NUP133: variants seen among roughly 807,000 people sequenced by gnomAD.
The protein encoded by NUP133 is nuclear pore complex protein Nup133.
In NUP133, 66 loss-of-function variants were observed where a neutral mutation model predicts 146.2. The observed-to-expected ratio is 0.45, with a 90% CI of 0.37 to 0.55. The LOEUF is 0.55. Among genes scored for constraint, NUP133 ranks in the 20% least tolerant of loss-of-function variants. The pLI is 0.00. For synonymous variants in NUP133, 521 were observed against 498.8 expected, an observed-to-expected ratio of 1.04 and a Z score of -0.59; for missense variants, 1,277 against 1,374.8, an observed-to-expected ratio of 0.93 and a Z score of 1.12.
chr1:229,465,314 T>G, intron 17 of NUP133, 106 bp downstream of exon 17: 1 of 873,428 alleles, frequency 1.1e-6, no homozygotes, highest in Non-Finnish European at 1.8e-6. Context: ...AGACGGCACT[T>G]TTTCATTTCA....
chr1:229,501,583 C>G (rs1212426055), intron 3 of NUP133, among the ~76,000 whole-genome samples: 2 of 152,166 alleles, frequency 1.3e-5, no homozygotes, highest in African/African-American at 4.8e-5. Flanking sequence ...AAAAGTTTAA[C>G]TAGCAACTGG....
chr1:229,475,584 T>G, intron 14 of NUP133, 54 bp downstream of exon 14: 1 of 1,282,524 alleles, frequency 7.8e-7, no homozygotes, highest in Admixed American at 1.7e-5. Context: ...CTTCCCACTG[T>G]GTTGGAGAGA....
chr1:229,495,447 T>G lies in NUP133; in HGVS notation c.1046+48A>C, dbSNP rs375523943. ...CATTTTATTATAAACATCAACTTAT[T>G]TTTTCCAAACTCTTCTCTATGTTCT... On this transcript the variant is annotated intron_variant, in intron 8 of 25. Coordinates refer to ENST00000261396, the MANE Select transcript of NUP133 (RefSeq NM_018230.3). 4 of 1,344,034 alleles carry G rather than the reference T, an allele frequency of 3.0e-6. No individual in the cohort carries two copies. In the African/African-American group the frequency reaches 5.8e-5, roughly 19 times the overall value. 83.3% of individuals were successfully genotyped at this position (1,344,034 alleles called of 1,614,324 possible). A position where few individuals can be genotyped will look rare whatever the true frequency, so the allele number is the denominator to read the frequency against.
rs779144062 is a variant in NUP133, at chr1:229,458,183, A to G, written c.2958T>C (p.Asp986=). 1.9e-6 allele frequency: 3 copies of G among 1,612,148 alleles called. No individual in the cohort carries two copies. Among genetic ancestry groups the G allele is most frequent in the African/African-American group, 2.7e-5 (2 of 74,838 alleles). ...LAALASDFSE[D]MLQEKIEEMA... is the part of the protein sequence containing the mutation. The stretch of plus-strand genomic sequence containing the variant: ...CACCTTCAATTTTTTCTTGTAGCAT[A>G]TCCTCTGAAAAGTCTGAAGCTAATG... The change falls in exon 21 of 26, where the codon GAT becomes GAC. Residue 986 remains aspartate, a synonymous_variant. Coordinates refer to ENST00000261396, the MANE Select transcript of NUP133 (RefSeq NM_018230.3).
chr1:229,495,477 G>T lies in NUP133; in HGVS notation c.1046+18C>A. 6.3e-7 allele frequency: 1 copy of T among 1,578,610 alleles called. No homozygotes were observed. Among genetic ancestry groups the T allele is most frequent in the Non-Finnish European group, 8.7e-7 (1 of 1,149,952 alleles). On this transcript the variant is annotated intron_variant, in intron 8 of 25. Coordinates refer to ENST00000261396, the MANE Select transcript of NUP133 (RefSeq NM_018230.3). ...CCAAACTCTTCTCTATGTTCTTTAC[G>T]ACAAATTAATTGCTTACCAGTTTTG...
chr1:229,505,708 G>A (rs1312351568), intron 2 of NUP133, among the ~76,000 whole-genome samples: 1 of 151,280 alleles, frequency 6.6e-6, no homozygotes, highest in Non-Finnish European at 1.5e-5. Context: ...CCAACATGGT[G>A]AAACCCTGTC....
intron 4 of NUP133, 55 bp from the exon 5 acceptor site, chr1:229,499,873 C>T (rs1177451415): frequency 1.3e-6 from 2 of 1,569,418 alleles, no homozygotes; most frequent in Admixed American, 1.8e-5. Context: ...ACCCAAAAAC[C>T]AGCAGTCTGA....
chr1:229,464,709 A>T lies in NUP133; in HGVS notation c.2466T>A (p.Ser822=), dbSNP rs754799785. 1.1e-4 allele frequency: 178 copies of T among 1,614,118 alleles called. No individual in the cohort carries two copies. The highest frequency in any genetic ancestry group is 9.3e-6 in the Non-Finnish European group (11 of 1,180,046). ...TTTCCCGATTACTGGATTTATCCACAGACTTAAGCTGAGAAACATAACCAT... is the reference window on the plus strand; with the variant it reads ...TTTCCCGATTACTGGATTTATCCACTGACTTAAGCTGAGAAACATAACCAT... The part of the protein sequence containing the change: ...FLDGYVSQLK[S]VDKSSNRERY... The change falls in exon 18 of 26, where the codon TCT becomes TCA. Residue 822 remains serine (S), a synonymous_variant. Coordinates refer to ENST00000261396, the MANE Select transcript of NUP133 (RefSeq NM_018230.3).
chr1:229,448,826 C>T (rs1472329748), intron 24 of NUP133: 2 of 385,348 alleles, frequency 5.2e-6, no homozygotes, highest in Middle Eastern at 7.0e-4. Flanking sequence ...GTTGTGGGAA[C>T]CCCAATTTAT....
At chr1:229,508,006 A>T (rs1661989245) in intron 1 of NUP133, 62 bp downstream of exon 1, 2 of 1,397,872 alleles carry the variant, frequency 1.4e-6, no homozygotes, top group African/African-American at 3.0e-5. Flanking sequence ...ACAACAACCT[A>T]TCCGGCCCAC....
At chr1:229,483,696 CA>C (rs35673633) in intron 12 of NUP133, among the ~76,000 whole-genome samples, 5,234 of 57,212 alleles carry the variant, frequency 0.091, 176 homozygotes, top group African/African-American at 0.24. Context: ...CGGAGTGTCT[CA>C]AAAAAAAAAA....
intron 14 of NUP133, among the ~76,000 whole-genome samples, chr1:229,472,588 G>A (rs1660982741): frequency 6.6e-6 from 1 of 151,006 alleles, no homozygotes; most frequent in South Asian, 2.1e-4. Context: ...AGGCTGAGAT[G>A]GGAAGATCAC....
At chr1:229,501,440 A>G (rs188785237) in intron 3 of NUP133, among the ~76,000 whole-genome samples, 1 of 152,328 alleles carries the variant, frequency 6.6e-6, no homozygotes. Flanking sequence ...CTGAGTTCCA[A>G]CGGAACATGG....
chr1:229,486,577 A>C, intron 10 of NUP133, 49 bp from the exon 11 acceptor site: 3 of 1,539,738 alleles, frequency 1.9e-6, no homozygotes, highest in Non-Finnish European at 2.6e-6. Context: ...TAACAACAAA[A>C]TGCTATGTAA....
At chr1:229,442,854 C>T (rs1327112903) in intron 25 of NUP133, among the ~76,000 whole-genome samples, 2 of 151,808 alleles carry the variant, frequency 1.3e-5, no homozygotes, top group African/African-American at 4.8e-5. Flanking sequence ...TACAGGTGCC[C>T]ACCACTACAC....
chr1:229,483,360 C>T (rs2102771945), intron 12 of NUP133, among the ~76,000 whole-genome samples: 1 of 152,272 alleles, frequency 6.6e-6, no homozygotes, highest in South Asian at 2.1e-4. Flanking sequence ...CTCAGCCTCC[C>T]AAAGTGCTGG....
rs777986204 is a variant in NUP133 at position 229,465,438 on chromosome 1, C to G, written c.2281G>C (p.Glu761Gln). The change falls in exon 17 of 26, where the codon GAA becomes CAA. Residue 761 changes from glutamate (E) to glutamine (Q), a missense_variant. This residue lies in a region of NUP133 where 952 missense variants were observed against 1,047.0 expected (regional missense o/e 0.91). Coordinates refer to ENST00000261396, the MANE Select transcript of NUP133 (RefSeq NM_018230.3). ...ATATTACCCGTCCATGGAACATATT[C>G]AGGTTCTTTTTCTAGTGATTCTTCT... ...RREESLEKEP[E>Q]YVPWTATSGP... The G allele has an allele frequency of 6.2e-7, 1 of 1,610,410 alleles. No homozygotes were observed. Among genetic ancestry groups the G allele is most frequent in the South Asian group, 1.1e-5 (1 of 91,006 alleles).
chr1:229,495,812 TAAATA>T (rs1558107128), intron 7 of NUP133, 75 bp downstream of exon 7: 1 of 1,245,106 alleles, frequency 8.0e-7, no homozygotes, highest in African/African-American at 1.5e-5. Flanking sequence ...TGTGTTGAAA[TAAATA>T]AAACAATTAA....
At chr1:229,463,416 C>T in intron 19 of NUP133, 127 bp downstream of exon 19, 1 of 1,073,344 alleles carries the variant, frequency 9.3e-7, no homozygotes, top group Non-Finnish European at 1.3e-6. Context: ...AGTATCTTCT[C>T]ATCAAAGTTA....
Sources: allele counts gnomAD v4.1 joint callset (sites outside exome capture counted in the v4.1 genomes callset), GRCh38; gene constraint gnomAD v4.1.1; regional missense constraint gnomAD v4.1.1; transcripts MANE v1.5; gene names NCBI Gene and HGNC (gene_info 2026-07-23, HGNC 2026-07-21).